ACTN4: variants seen among roughly 807,000 people sequenced by gnomAD.
The protein encoded by ACTN4 is actinin alpha 4, also known as alpha-actinin-4.
ACTN4 carries 18 observed loss-of-function variants against 114.2 expected under a neutral mutation model. That is an observed-to-expected ratio of 0.16 (90% CI 0.11 to 0.23). The LOEUF (loss-of-function observed/expected upper bound fraction) is 0.23, where lower values mean the gene tolerates loss of function less well. Among genes scored for constraint, ACTN4 ranks in the 10% least tolerant of loss-of-function variants. The pLI is 1.00. For synonymous variants in ACTN4, 515 were observed against 506.3 expected (o/e 1.02, Z -0.23); for missense variants, 722 against 1,262.9 (o/e 0.57, Z 6.49).
At chr19:38,665,020 C>T (rs923527954) in intron 1 of ACTN4, among the ~76,000 whole-genome samples, 1 of 152,188 alleles carries the variant, frequency 6.6e-6, no homozygotes, top group African/African-American at 2.4e-5. Flanking sequence ...GCCTACCCAC[C>T]AAGATAGGAG....
chr19:38,673,994 C>G (rs1967295247), intron 1 of ACTN4, among the ~76,000 whole-genome samples: 1 of 151,388 alleles, frequency 6.6e-6, no homozygotes, highest in African/African-American at 2.4e-5. Flanking sequence ...CTTGGCCAGG[C>G]TGGTCTTGAA....
At chr19:38,702,783 A>G (rs1968324808) in intron 3 of ACTN4, among the ~76,000 whole-genome samples, 1 of 152,192 alleles carries the variant, frequency 6.6e-6, no homozygotes, top group South Asian at 2.1e-4. Context: ...GCTGTGGCTC[A>G]TGGACACCCC....
intron 1 of ACTN4, among the ~76,000 whole-genome samples, chr19:38,680,752 T>G (rs897148304): frequency 6.6e-6 from 1 of 152,152 alleles, no homozygotes; most frequent in African/African-American, 2.4e-5. Flanking sequence ...CCCTTGAATA[T>G]CTCTTAGAAC....
At chr19:38,703,596 G>A (rs1056621727) in intron 3 of ACTN4, among the ~76,000 whole-genome samples, 2 of 152,242 alleles carry the variant, frequency 1.3e-5, no homozygotes, top group Admixed American at 6.5e-5. Flanking sequence ...CCTCAGGCCC[G>A]TGCTCTCCCC....
At position 38,696,173 on chromosome 19, in the gene ACTN4, G is replaced by A. The variant is rs114364837; in HGVS notation, c.163-4427G>A. ...TATTATTACCACTTTTCCTAAGGGC[G>A]TTATTTCTGGAGTGGACTGATCGCT... On this transcript the variant is annotated intron_variant, in intron 1 of 20. Coordinates refer to ENST00000252699, the MANE Select transcript of ACTN4 (RefSeq NM_004924.6). Among the ~76,000 whole-genome samples the A allele has an allele frequency of 3.9e-3, 599 of 152,276 alleles. 5 individuals are homozygous for A. The highest frequency in any genetic ancestry group is 0.014 in the African/African-American group (563 of 41,558).
Position 38,730,480 on chromosome 19 carries a change from A to AAACC in ACTN4, c.*1050_*1053dup, listed in dbSNP as rs1969496986. ...TGATTTTTTTTCTTGGTTTCTGGAT[A>AAACC]AACCACCCTCTGGGGACAGGATAAT... On this transcript the variant is annotated 3_prime_UTR_variant, in exon 21 of 21. Coordinates refer to ENST00000252699, the MANE Select transcript of ACTN4 (RefSeq NM_004924.6). 4.1e-6 allele frequency: 1 copy of AAACC among 244,420 alleles called. No individual in the cohort carries two copies. The highest frequency in any genetic ancestry group is 8.9e-5 in the East Asian group (1 of 11,278). The allele number at this position is 244,420 out of a possible 1,614,324, so 15.1% of individuals were successfully genotyped here.
chr19:38,661,705 T>G (rs1976891145), intron 1 of ACTN4, among the ~76,000 whole-genome samples: 1 of 152,176 alleles, frequency 6.6e-6, no homozygotes, highest in African/African-American at 2.4e-5. Flanking sequence ...CAGGCTGGAG[T>G]GCAGTGGCAC....
intron 12 of ACTN4, among the ~76,000 whole-genome samples, chr19:38,723,389 T>C (rs2145088444): frequency 6.6e-6 from 1 of 152,300 alleles, no homozygotes; most frequent in African/African-American, 2.4e-5. Context: ...CACCCCTGGT[T>C]ATCACCTGTT....
In ACTN4 at chr19:38,725,756, G is replaced by T; in HGVS notation, c.2043G>T (p.Gly681=). The T allele has an allele frequency of 1.2e-6, 2 of 1,614,090 alleles. No homozygotes were observed. Among genetic ancestry groups the T allele is most frequent in the South Asian group, 2.2e-5 (2 of 91,086 alleles). ...EIGRISIEMN[G]TLEDQLSHLK... ...GGCGCATCTCCATTGAGATGAACGG[G>T]ACCCTGGAGGACCAGCTGAGCCACC... Residue 681 remains glycine, a synonymous_variant, in exon 17 of 21, where the codon GGG becomes GGT. Coordinates refer to ENST00000252699, the MANE Select transcript of ACTN4 (RefSeq NM_004924.6).
At chr19:38,703,958 C>T (rs1968369947) in intron 3 of ACTN4, among the ~76,000 whole-genome samples, 1 of 152,158 alleles carries the variant, frequency 6.6e-6, no homozygotes, top group African/African-American at 2.4e-5. Context: ...GCCTGGCTTG[C>T]CCAGAGGATG....
intron 1 of ACTN4, among the ~76,000 whole-genome samples, chr19:38,694,248 G>C (rs994731456): frequency 6.6e-6 from 1 of 150,878 alleles, no homozygotes; most frequent in African/African-American, 2.4e-5. Flanking sequence ...GGGGACCAAG[G>C]GTGGGCTGGG....
Position 38,727,215 on chromosome 19 carries a change from C to T in ACTN4, c.2337+112C>T. 1.3e-6 allele frequency: 2 copies of T among 1,517,438 alleles called. No individual in the cohort carries two copies. Among genetic ancestry groups the T allele is most frequent in the Non-Finnish European group, 9.0e-7 (1 of 1,115,468 alleles). 94.0% of individuals were successfully genotyped at this position (1,517,438 alleles called of 1,614,324 possible). A position where few individuals can be genotyped will look rare whatever the true frequency, so the allele number is the denominator to read the frequency against. ...TCCCATCACAGTTGCTGAGCGTCGGCCGCCACTCCCAGGGCCAGCAGGGCC... is the reference window on the plus strand; with the variant it reads ...TCCCATCACAGTTGCTGAGCGTCGGTCGCCACTCCCAGGGCCAGCAGGGCC... On this transcript the variant is annotated intron_variant, in intron 18 of 20. Coordinates refer to ENST00000252699, the MANE Select transcript of ACTN4 (RefSeq NM_004924.6). This position sits in a 1 kb window ranked among gnomAD's most constrained non-coding sequence, Gnocchi z 5.4.
At chr19:38,657,258 T>C (rs983814680) in intron 1 of ACTN4, among the ~76,000 whole-genome samples, 4 of 152,090 alleles carry the variant, frequency 2.6e-5, no homozygotes, top group Non-Finnish European at 5.9e-5. Context: ...TTCTCCTGCC[T>C]CAGCTTCCCA....
At chr19:38,685,923 G>A (rs1390053540) in intron 1 of ACTN4, among the ~76,000 whole-genome samples, 1 of 152,166 alleles carries the variant, frequency 6.6e-6, no homozygotes, top group African/African-American at 2.4e-5. Flanking sequence ...CCAGGGCCTC[G>A]CATATTCACC....
rs1976433879 is a variant in ACTN4, at chr19:38,647,917, C to T, written c.162+10C>T. 1 of 1,483,818 alleles carries T rather than the reference C, an allele frequency of 6.7e-7. No individual in the cohort carries two copies. The highest frequency in any genetic ancestry group is 9.0e-7 in the Non-Finnish European group (1 of 1,116,026). The allele number at this position is 1,483,818 out of a possible 1,614,324, so 91.9% of individuals were successfully genotyped here. A position where few individuals can be genotyped will look rare whatever the true frequency, so the allele number is the denominator to read the frequency against. On this transcript the variant is annotated intron_variant, in intron 1 of 20. Coordinates refer to ENST00000252699, the MANE Select transcript of ACTN4 (RefSeq NM_004924.6). ...GAAGCAGCAGCGCAAGGTGCGCGGC[C>T]CGCGGGCCGGACGGGCTGGAGGGGC...
intron 1 of ACTN4, among the ~76,000 whole-genome samples, chr19:38,672,030 A>G (rs757877403): frequency 6.6e-6 from 1 of 151,792 alleles, no homozygotes; most frequent in Non-Finnish European, 1.5e-5. Flanking sequence ...CCACCCAGAA[A>G]AAGAGCTGGG....
At chr19:38,653,967 A>C (rs1262099900) in intron 1 of ACTN4, among the ~76,000 whole-genome samples, 1 of 152,214 alleles carries the variant, frequency 6.6e-6, no homozygotes, top group Non-Finnish European at 1.5e-5. Context: ...AGTCTTCTTT[A>C]GAATGGGTTT....
intron 1 of ACTN4, among the ~76,000 whole-genome samples, chr19:38,674,880 G>T (rs1967325560): frequency 6.6e-6 from 1 of 152,200 alleles, no homozygotes; most frequent in Non-Finnish European, 1.5e-5. Context: ...ATGGCGAAAG[G>T]AGAGAACTCG....
chr19:38,728,394 G>A, intron 19 of ACTN4: 1 of 1,323,136 alleles, frequency 7.6e-7, no homozygotes, highest in South Asian at 1.3e-5. Flanking sequence ...ATGCAGCTCT[G>A]TCTCCCCAGC....
Sources: allele counts gnomAD v4.1 joint callset (sites outside exome capture counted in the v4.1 genomes callset), GRCh38; gene constraint gnomAD v4.1.1; non-coding constraint Gnocchi (gnomAD v3.1); transcripts MANE v1.5; gene names NCBI Gene and HGNC (gene_info 2026-07-23, HGNC 2026-07-21).